KLHL4: variants seen among roughly 807,000 people sequenced by gnomAD.
KLHL4 encodes the protein kelch like family member 4.
In KLHL4, 17 loss-of-function variants were observed where a neutral mutation model predicts 45.8. The ratio of observed to expected loss-of-function variants is 0.37; its 90% CI spans 0.25 to 0.56. The LOEUF (loss-of-function observed/expected upper bound fraction) is 0.56, where lower values mean the gene tolerates loss of function less well. KLHL4 is among the 20% of genes least tolerant of loss of function. KLHL4 has a pLI of 0.79. For synonymous variants in KLHL4, 224 were observed against 189.9 expected, an observed-to-expected ratio of 1.18 and a Z score of -1.47; for missense variants, 544 against 544.9, an observed-to-expected ratio of 1.00 and a Z score of 0.02.
intron 1 of KLHL4, among the ~76,000 whole-genome samples, chrX:87,602,785 G>A (rs1314318505): frequency 9.0e-6 from 1 of 111,562 alleles, no homozygotes; most frequent in Non-Finnish European, 1.9e-5. Flanking sequence ...AAAAATGAAA[G>A]CAGGTTCTAG....
chrX:87,668,405 T>C lies in KLHL4; in HGVS notation c.*1871T>C. On this transcript the variant is annotated 3_prime_UTR_variant, in exon 11 of 11. Transcript: ENST00000373119. Reference sequence around the variant, plus strand: ...TGAAAGTTGAATACTCTCTTCTCAATGGCATAGCTGGACTTGATTAAGTAT... The same window carrying C: ...TGAAAGTTGAATACTCTCTTCTCAACGGCATAGCTGGACTTGATTAAGTAT... The C allele has an allele frequency of 1.3e-6, 1 of 749,147 alleles. No homozygotes were observed. Among genetic ancestry groups the C allele is most frequent in the Non-Finnish European group, 1.6e-6 (1 of 634,591 alleles). The allele number at this position is 749,147 out of a possible 1,213,427, so 61.7% of individuals were successfully genotyped here. A position where few individuals can be genotyped will look rare whatever the true frequency, so the allele number is the denominator to read the frequency against.
At chrX:87,630,585 T>C (rs1923065870) in intron 6 of KLHL4, among the ~76,000 whole-genome samples, 2 of 111,465 alleles carry the variant, frequency 1.8e-5, no homozygotes, top group East Asian at 2.8e-4. Flanking sequence ...GTTTCCCTGT[T>C]GTGCAAAATC....
intron 9 of KLHL4, among the ~76,000 whole-genome samples, chrX:87,654,270 A>T (rs1311819523): frequency 9.0e-6 from 1 of 111,575 alleles, no homozygotes; most frequent in African/African-American, 3.3e-5. Context: ...GAACCAATTA[A>T]GTACTTTTTC....
At chrX:87,653,394 T>G (rs762686909) in intron 9 of KLHL4, among the ~76,000 whole-genome samples, 1 of 111,894 alleles carries the variant, frequency 8.9e-6, no homozygotes, top group Non-Finnish European at 1.9e-5. Flanking sequence ...ACATCACTTA[T>G]CGTTAGATAA....
intron 3 of KLHL4, among the ~76,000 whole-genome samples, chrX:87,615,159 C>CG (rs1334118249): frequency 2.7e-5 from 3 of 111,114 alleles, no homozygotes; most frequent in African/African-American, 6.5e-5. Flanking sequence ...CTGGCTTTCT[C>CG]CAACAGAGTC....
intron 1 of KLHL4, among the ~76,000 whole-genome samples, chrX:87,524,765 A>G (rs1183048996): frequency 1.8e-5 from 2 of 112,420 alleles, no homozygotes; most frequent in Non-Finnish European, 3.8e-5. Flanking sequence ...ACTTAATTGT[A>G]ACATATTTAC....
At chrX:87,555,201 C>T (rs1223259399) in intron 1 of KLHL4, among the ~76,000 whole-genome samples, 9 of 106,655 alleles carry the variant, frequency 8.4e-5, no homozygotes, top group Non-Finnish European at 1.9e-5. Flanking sequence ...TGTCTCTGCC[C>T]AGCTTTGGTA....
intron 1 of KLHL4, among the ~76,000 whole-genome samples, chrX:87,608,757 G>A (rs1330316242): frequency 2.7e-5 from 3 of 110,561 alleles, no homozygotes; most frequent in Non-Finnish European, 3.8e-5. Flanking sequence ...ATTTTTTAGT[G>A]TACCCATGAC....
chrX:87,575,987 T>A (rs1921089047), intron 1 of KLHL4, among the ~76,000 whole-genome samples: 1 of 111,776 alleles, frequency 8.9e-6, no homozygotes, highest in East Asian at 2.8e-4. Context: ...TAGTGTTGGT[T>A]TGAAAATTTG....
At chrX:87,645,924 G>A (rs1046018011) in intron 9 of KLHL4, among the ~76,000 whole-genome samples, 7 of 111,010 alleles carry the variant, frequency 6.3e-5, no homozygotes, top group Non-Finnish European at 1.3e-4. Context: ...GGTAGCCAGG[G>A]ATAAAAGACT....
At chrX:87,560,053 T>C (rs568599250) in intron 1 of KLHL4, among the ~76,000 whole-genome samples, 62 of 111,926 alleles carry the variant, frequency 5.5e-4, no homozygotes, top group African/African-American at 1.9e-3. Context: ...ATTTCGTACG[T>C]AGCTAGTTGT....
chrX:87,607,036 T>C (rs2147809525), intron 1 of KLHL4, among the ~76,000 whole-genome samples: 1 of 112,247 alleles, frequency 8.9e-6, no homozygotes, highest in Admixed American at 9.5e-5. Context: ...TTAAATCTTC[T>C]GTGGATATTA....
intron 1 of KLHL4, among the ~76,000 whole-genome samples, chrX:87,560,655 T>C (rs771007185): frequency 9.0e-6 from 1 of 111,682 alleles, no homozygotes. Flanking sequence ...CTACTCCCCG[T>C]TTCTATGAGT....
At chrX:87,615,732 C>T (rs1279141120) in intron 3 of KLHL4, among the ~76,000 whole-genome samples, 1 of 110,660 alleles carries the variant, frequency 9.0e-6, no homozygotes, top group Non-Finnish European at 1.9e-5. Context: ...CACAAAAGAT[C>T]GCTTATTTTA....
chrX:87,565,685 C>CAAAAAAA (rs748577568), intron 1 of KLHL4, among the ~76,000 whole-genome samples: 1 of 26,258 alleles, frequency 3.8e-5, no homozygotes. Flanking sequence ...GTGATTGTGC[C>CAAAAAAA]AAAAAAAAAA....
Position 87,575,557 on chromosome X carries a change from A to T in KLHL4, c.423-38320A>T, listed in dbSNP as rs186149374. 2.6e-4 allele frequency among the ~76,000 whole-genome samples: 29 copies of T among 112,149 alleles called. No homozygotes were observed. In the Admixed American group the frequency reaches 2.8e-3, roughly 11 times the overall value. Reference sequence around the variant, plus strand: ...TACATTTTCAGTTTTAGGTCTAGTTATAGTTATCCTGTAAATGAGGGAAAT... The same window carrying T: ...TACATTTTCAGTTTTAGGTCTAGTTTTAGTTATCCTGTAAATGAGGGAAAT... On this transcript the variant is annotated intron_variant, in intron 1 of 10. Transcript: ENST00000373119.
intron 1 of KLHL4, 72 bp downstream of exon 1, chrX:87,518,387 G>C: frequency 1.2e-6 from 1 of 867,322 alleles, no homozygotes; most frequent in Non-Finnish European, 1.6e-6. Context: ...CATGTTTAGT[G>C]TTTAAATAGA....
intron 1 of KLHL4, among the ~76,000 whole-genome samples, chrX:87,558,653 G>A (rs1363683034): frequency 9.4e-6 from 1 of 106,371 alleles, no homozygotes; most frequent in Admixed American, 1.1e-4. Flanking sequence ...TATTGACTCA[G>A]TTAGCTATTT....
intron 4 of KLHL4, among the ~76,000 whole-genome samples, chrX:87,620,951 G>A (rs1437259377): frequency 2.7e-5 from 3 of 112,576 alleles, no homozygotes; most frequent in Non-Finnish European, 5.6e-5. Context: ...TTCACCCAGA[G>A]ACATCTGCTA....
Sources: allele counts gnomAD v4.1 joint callset (sites outside exome capture counted in the v4.1 genomes callset), GRCh38; gene constraint gnomAD v4.1.1; transcripts MANE v1.5; gene names NCBI Gene and HGNC (gene_info 2026-07-23, HGNC 2026-07-21).